The following PPEF1 variants were observed in gnomAD, a reference collection of about 807,000 sequenced individuals.
PPEF1 encodes serine/threonine-protein phosphatase with EF-hands 1.
PPEF1 carries 12 observed loss-of-function variants against 53.3 expected under a neutral mutation model. That is an observed-to-expected ratio of 0.23 (90% confidence interval 0.14 to 0.36). The LOEUF (loss-of-function observed/expected upper bound fraction) is 0.36, where lower values mean the gene tolerates loss of function less well. Ranked by LOEUF, PPEF1 falls within the 10% of genes least tolerant of loss-of-function variation. PPEF1 has a pLI of 1.00. For missense variants in PPEF1, 334 were observed against 490.4 expected (o/e 0.68, Z 3.01); for synonymous variants, 165 against 176.7 (o/e 0.93, Z 0.52).
At chrX:18,678,297 G>A (rs1265447787), upstream of PPEF1, among the ~76,000 whole-genome samples, 1 of 109,568 alleles carries the variant, frequency 9.1e-6, no homozygotes, top group Non-Finnish European at 1.9e-5. Flanking sequence ...AGCCAGGCAT[G>A]GTGGCGCACA....
chrX:18,761,288 T>C (rs907702690), intron 5 of PPEF1, among the ~76,000 whole-genome samples: 5 of 111,330 alleles, frequency 4.5e-5, no homozygotes, highest in African/African-American at 1.6e-4. Flanking sequence ...TGGCCCAGAG[T>C]GATCGAAGCC....
chrX:18,770,608 G>A (rs1272375757), intron 6 of PPEF1, among the ~76,000 whole-genome samples: 1 of 111,535 alleles, frequency 9.0e-6, no homozygotes, highest in Non-Finnish European at 1.9e-5. Flanking sequence ...TAAGGTGGAT[G>A]GATTAGTTGA....
intron 6 of PPEF1, among the ~76,000 whole-genome samples, chrX:18,771,975 C>G (rs1296201434): frequency 9.1e-6 from 1 of 110,354 alleles, no homozygotes; most frequent in Non-Finnish European, 1.9e-5. Flanking sequence ...ATTAGCCAGG[C>G]CTGGTGGCAC....
intron 13 of PPEF1, among the ~76,000 whole-genome samples, chrX:18,821,222 C>CAAA (rs55725180): frequency 5.4e-5 from 3 of 55,230 alleles, no homozygotes; most frequent in African/African-American, 7.9e-5. Context: ...GACTCTGTCT[C>CAAA]AAAAAAAAAA....
chrX:18,717,103 T>A (rs751835869), intron 1 of PPEF1, among the ~76,000 whole-genome samples: 257 of 106,815 alleles, frequency 2.4e-3, no homozygotes, highest in African/African-American at 7.8e-3. Flanking sequence ...ATATATATAT[T>A]TTTTTCTCAA....
rs144634869 is a variant in PPEF1 at position 18,685,871 on chromosome X, G to A, written c.-519-267G>A. Among the ~76,000 whole-genome samples the A allele has an allele frequency of 6.1e-3, 677 of 110,988 alleles. 8 individuals are homozygous for A. Among genetic ancestry groups the A allele is most frequent in the African/African-American group, 0.02 (609 of 30,583 alleles). On this transcript the variant is annotated intron_variant, in intron 2 of 21. Coordinates refer to the PPEF1 transcript ENST00000361511. ...TATTCTTAATGGACCTCTCCTGGAC[G>A]TGTTTACAAAAAGAACAAAAACAAA...
At chrX:18,711,687 C>A (rs1011058382) in intron 1 of PPEF1, among the ~76,000 whole-genome samples, 3 of 110,281 alleles carry the variant, frequency 2.7e-5, no homozygotes, top group Non-Finnish European at 5.7e-5. Flanking sequence ...TATTTCTGGG[C>A]TCTCAATTCT....
chrX:18,677,604 G>C (rs755581885), intron 1 of PPEF1, among the ~76,000 whole-genome samples: 1 of 111,098 alleles, frequency 9.0e-6, no homozygotes, highest in Non-Finnish European at 1.9e-5. Context: ...TAAACCTCCT[G>C]TACCCCCAAC....
Position 18,733,762 on chromosome X carries a change from T to C in PPEF1, c.189T>C (p.Phe63=). The C allele has an allele frequency of 1.7e-6, 2 of 1,193,559 alleles. No homozygotes were observed. Among genetic ancestry groups the C allele is most frequent in the African/African-American group, 1.7e-5 (1 of 57,249 alleles). ...ATTTTGTCCAGTTATCCACCTTCTT[T>C]TCCTTCATGTTGGAAAACTACACAC... The part of the protein sequence containing the change: ...EQGQMQLSTF[F]SFMLENYTHI... The change falls in exon 3 of 16, where the codon TTT becomes TTC. Residue 63 remains phenylalanine (F), a synonymous_variant. Transcript: ENST00000470157.
At chrX:18,745,123 T>C (rs2045295514) in intron 3 of PPEF1, among the ~76,000 whole-genome samples, 1 of 95,616 alleles carries the variant, frequency 1.0e-5, no homozygotes, top group South Asian at 4.0e-4. Context: ...ATATTATATA[T>C]ATTATATAAT....
intron 1 of PPEF1, among the ~76,000 whole-genome samples, chrX:18,713,420 CT>C (rs55997147): frequency 1.6e-3 from 121 of 77,489 alleles, no homozygotes; most frequent in South Asian, 4.0e-3. Context: ...CCTTAAAATT[CT>C]TTTTTTTTTT....
At chrX:18,798,648 G>A (rs750988595) in intron 10 of PPEF1, among the ~76,000 whole-genome samples, 1 of 110,913 alleles carries the variant, frequency 9.0e-6, no homozygotes, top group East Asian at 2.9e-4. Flanking sequence ...TTTTGAGATG[G>A]AGTCTTGCTC....
intron 10 of PPEF1, among the ~76,000 whole-genome samples, chrX:18,794,307 T>C (rs2046384472): frequency 3.5e-4 from 1 of 2,820 alleles, no homozygotes; most frequent in Admixed American, 9.2e-3. Context: ...TCGTAAATGC[T>C]TATTCCCAAC....
chrX:18,706,442 CT>C (rs1480437737), upstream of PPEF1, among the ~76,000 whole-genome samples: 1 of 110,081 alleles, frequency 9.1e-6, no homozygotes, highest in Non-Finnish European at 1.9e-5. Context: ...GCCCAGAGAG[CT>C]TGTTTAAAAG....
intron 2 of PPEF1, among the ~76,000 whole-genome samples, 197 bp from the exon 3 acceptor site, chrX:18,733,551 G>A (rs1315742331): frequency 9.0e-6 from 1 of 111,649 alleles, no homozygotes; most frequent in Non-Finnish European, 1.9e-5. Flanking sequence ...CAGGAGGGGC[G>A]TTCATGTGTT....
At chrX:18,769,494 A>G (rs139149846) in intron 6 of PPEF1, among the ~76,000 whole-genome samples, 1 of 111,623 alleles carries the variant, frequency 9.0e-6, no homozygotes, top group African/African-American at 3.3e-5. Flanking sequence ...AATTGATGCC[A>G]TGAGTGGTGA....
At chrX:18,754,992 C>G (rs1172651689) in intron 4 of PPEF1, among the ~76,000 whole-genome samples, 1 of 111,393 alleles carries the variant, frequency 9.0e-6, no homozygotes, top group Non-Finnish European at 1.9e-5. Context: ...AGGCAAACAA[C>G]AATGGAAACA....
upstream of PPEF1, among the ~76,000 whole-genome samples, chrX:18,679,987 G>T (rs1015400510): frequency 8.3e-5 from 9 of 108,814 alleles, no homozygotes; most frequent in Non-Finnish European, 1.5e-4. Flanking sequence ...TACTTGGGAG[G>T]CTAAGATGGG....
intron 12 of PPEF1, among the ~76,000 whole-genome samples, chrX:18,809,598 T>C (rs1602478906): frequency 9.3e-6 from 1 of 107,569 alleles, no homozygotes; most frequent in Admixed American, 1.0e-4. Flanking sequence ...CCAGCTACTC[T>C]GGAGGCTGAG....
Sources: gnomAD v4.1 joint callset for allele counts (sites outside exome capture counted in the v4.1 genomes callset) on GRCh38, gnomAD v4.1.1 for gene constraint, MANE v1.5 for transcripts, NCBI Gene and HGNC (gene_info 2026-07-23, HGNC 2026-07-21) for gene names.